The following AK5 variants were observed in gnomAD, a reference collection of about 807,000 sequenced individuals.
The protein encoded by AK5 is adenylate kinase isoenzyme 5.
AK5 carries 27 observed loss-of-function variants against 69.5 expected under a neutral mutation model. The ratio of observed to expected loss-of-function variants is 0.39; its 90% CI spans 0.29 to 0.54. The LOEUF is 0.54. AK5 is among the 20% of genes least tolerant of loss of function. AK5 has a pLI of 0.71. For synonymous variants in AK5, 260 were observed against 244.4 expected (o/e 1.06, Z -0.60); for missense variants, 531 against 700.4 (o/e 0.76, Z 2.73).
chr1:77,482,718 C>T (rs2100721008), intron 8 of AK5, among the ~76,000 whole-genome samples: 1 of 151,298 alleles, frequency 6.6e-6, no homozygotes, highest in Non-Finnish European at 1.5e-5. Flanking sequence ...TTGCAGTGAG[C>T]CGAGACTGCA....
At chr1:77,414,143 G>A (rs1052566697) in intron 7 of AK5, among the ~76,000 whole-genome samples, 44 of 152,146 alleles carry the variant, frequency 2.9e-4, no homozygotes, top group Middle Eastern at 3.2e-3. Context: ...CATTTGGTAC[G>A]TATGCATTGA....
At chr1:77,555,470 A>G (rs189557247) in intron 13 of AK5, among the ~76,000 whole-genome samples, 18 of 152,244 alleles carry the variant, frequency 1.2e-4, no homozygotes, top group Admixed American at 7.8e-4. Flanking sequence ...AACACGTGCA[A>G]AGACTTCAGA....
intron 10 of AK5, among the ~76,000 whole-genome samples, chr1:77,490,798 A>T (rs74090615): frequency 0.049 from 6,982 of 142,320 alleles, 337 homozygotes; most frequent in East Asian, 0.21. Flanking sequence ...TTTTTTTTTT[A>T]AATCTCTTGA....
chr1:77,487,364 G>A (rs1163902429), intron 10 of AK5, among the ~76,000 whole-genome samples: 1 of 149,588 alleles, frequency 6.7e-6, no homozygotes, highest in African/African-American at 2.5e-5. Context: ...TAGTTGTGCA[G>A]TAGTTAAAAA....
chr1:77,401,551 AG>A lies in AK5; in HGVS notation c.892-9429del, dbSNP rs1251037555. On this transcript the variant is annotated intron_variant, in intron 6 of 13. Transcript: ENST00000354567. ...AGGAAAAAAATGGGAGACAGACCTA[AG>A]TTTAATCAAAAGCAGAATCGCAGAG... Among the ~76,000 whole-genome samples, 3 of 152,348 alleles carry A rather than the reference AG, an allele frequency of 2.0e-5. No individual in the cohort carries two copies. The East Asian group carries it at 5.8e-4, about 29-fold the overall frequency.
chr1:77,331,781 T>G (rs1056163751), intron 5 of AK5, among the ~76,000 whole-genome samples: 7 of 152,226 alleles, frequency 4.6e-5, no homozygotes, highest in African/African-American at 1.7e-4. Flanking sequence ...TTTGTTAGAT[T>G]GGTTTCTAGT....
intron 6 of AK5, among the ~76,000 whole-genome samples, chr1:77,341,263 A>G (rs1661638426): frequency 6.6e-6 from 1 of 152,218 alleles, no homozygotes; most frequent in Non-Finnish European, 1.5e-5. Context: ...ATTTATGATA[A>G]TCACAGCATC....
At chr1:77,287,429 C>T (rs1658420863) in intron 2 of AK5, among the ~76,000 whole-genome samples, 1 of 152,106 alleles carries the variant, frequency 6.6e-6, no homozygotes, top group Non-Finnish European at 1.5e-5. Flanking sequence ...AAATTGCAAA[C>T]AAGATTTCTC....
chr1:77,339,645 T>TTA, intron 5 of AK5, among the ~76,000 whole-genome samples: 1 of 27,108 alleles, frequency 3.7e-5, no homozygotes, highest in African/African-American at 2.7e-4. Context: ...TAGCAATATC[T>TTA]TTTTTTTTTT....
At chr1:77,482,451 C>T (rs969025064) in intron 8 of AK5, among the ~76,000 whole-genome samples, 1 of 152,028 alleles carries the variant, frequency 6.6e-6, no homozygotes, top group African/African-American at 2.4e-5. Context: ...TGCTTTGGTT[C>T]GGGGATTGGC....
At chr1:77,306,728 C>T (rs929379239) in intron 5 of AK5, among the ~76,000 whole-genome samples, 1 of 152,038 alleles carries the variant, frequency 6.6e-6, no homozygotes, top group Non-Finnish European at 1.5e-5. Flanking sequence ...CCATCTGGTC[C>T]CAGGCTTTTT....
At chr1:77,364,256 T>C (rs533580650) in intron 6 of AK5, among the ~76,000 whole-genome samples, 12 of 152,338 alleles carry the variant, frequency 7.9e-5, no homozygotes, top group African/African-American at 2.9e-4. Flanking sequence ...AATTGACATA[T>C]AATAATTGTA....
rs1553151381 is a variant in AK5, at chr1:77,443,699, G to GTGTA, written c.1059+25987_1059+25988insATGT. Among the ~76,000 whole-genome samples, 126 of 151,342 alleles carry GTGTA rather than the reference G, an allele frequency of 8.3e-4. 2 individuals are homozygous for GTGTA. Among genetic ancestry groups the GTGTA allele is most frequent in the African/African-American group, 2.7e-3 (111 of 41,222 alleles). On this transcript the variant is annotated intron_variant, in intron 8 of 13. Transcript: ENST00000354567. Reference sequence around the variant, plus strand: ...AGTCTGTGTGTGTGTGTGTGTGTGTGTGTGTGTGTGTGTGTGTGTGTGTGT... The same window carrying GTGTA: ...AGTCTGTGTGTGTGTGTGTGTGTGTGTGTATGTGTGTGTGTGTGTGTGTGTGTGT...
At chr1:77,394,798 A>G (rs1235960181) in intron 6 of AK5, among the ~76,000 whole-genome samples, 1 of 152,122 alleles carries the variant, frequency 6.6e-6, no homozygotes, top group Non-Finnish European at 1.5e-5. Flanking sequence ...TTTTCATACT[A>G]TCCGCAACAA....
chr1:77,535,840 T>A lies in AK5; in HGVS notation c.1429-7T>A. On this transcript the variant is annotated splice_polypyrimidine_tract_variant and splice_region_variant and intron_variant, in intron 12 of 13. Transcript: ENST00000354567. Reference sequence around the variant, plus strand: ...CTGACTGTGTTGTGCTCCACTCCCATCTCCAGATTGGAGACCCACAGTTGG... The same window carrying A: ...CTGACTGTGTTGTGCTCCACTCCCAACTCCAGATTGGAGACCCACAGTTGG... 1 of 1,610,650 alleles carries A rather than the reference T, an allele frequency of 6.2e-7. No homozygotes were observed. Among genetic ancestry groups the A allele is most frequent in the Non-Finnish European group, 8.5e-7 (1 of 1,178,270 alleles).
chr1:77,470,856 TATA>T (rs1654443292), intron 8 of AK5, among the ~76,000 whole-genome samples: 3 of 20,414 alleles, frequency 1.5e-4, no homozygotes, highest in African/African-American at 4.7e-4. Context: ...TATATATATA[TATA>T]TATATATATA....
chr1:77,423,236 AAAAAAG>A, intron 8 of AK5, among the ~76,000 whole-genome samples: 1 of 148,208 alleles, frequency 6.7e-6, no homozygotes, highest in Non-Finnish European at 1.5e-5. Flanking sequence ...AAAAATAAAA[AAAAAAG>A]AAGAACTACT....
chr1:77,498,423 A>G (rs1375803189), intron 10 of AK5, among the ~76,000 whole-genome samples: 2 of 152,204 alleles, frequency 1.3e-5, no homozygotes, highest in East Asian at 3.8e-4. Context: ...TATTTTTAAA[A>G]CGAGAGACTC....
At chr1:77,430,396 G>C (rs551421603) in intron 8 of AK5, among the ~76,000 whole-genome samples, 1 of 152,144 alleles carries the variant, frequency 6.6e-6, no homozygotes, top group Non-Finnish European at 1.5e-5. Flanking sequence ...GAGAAAAGAC[G>C]AGTTCTGTAA....
Sources: allele counts gnomAD v4.1 joint callset (sites outside exome capture counted in the v4.1 genomes callset), GRCh38; gene constraint gnomAD v4.1.1; transcripts MANE v1.5; gene names NCBI Gene and HGNC (gene_info 2026-07-23, HGNC 2026-07-21).